HOMER1: variants seen among roughly 807,000 people sequenced by gnomAD.
HOMER1 encodes the protein homer scaffold protein 1.
HOMER1 carries 3 observed loss-of-function variants against 48.9 expected under a neutral mutation model. The ratio of observed to expected loss-of-function variants is 0.06; its 90% CI spans 0.03 to 0.16. HOMER1 has a LOEUF of 0.16. Among genes scored for constraint, HOMER1 ranks in the 10% least tolerant of loss-of-function variants. The probability of loss-of-function intolerance (pLI) is 1.00; values close to 1 mark genes in which losing one functional copy is unlikely to be tolerated. For missense variants in HOMER1, 247 were observed against 411.4 expected (o/e 0.60, Z 3.46); for synonymous variants, 134 against 146.4 (o/e 0.92, Z 0.61).
chr5:79,380,154 C>T (rs1020150759), intron 8 of HOMER1, among the ~76,000 whole-genome samples: 8 of 152,090 alleles, frequency 5.3e-5, no homozygotes, highest in African/African-American at 1.9e-4. Context: ...GGTAAGAGAA[C>T]CTCAGTGGTC....
intron 5 of HOMER1, among the ~76,000 whole-genome samples, chr5:79,436,554 G>A (rs944584241): frequency 9.2e-5 from 14 of 152,180 alleles, no homozygotes; most frequent in South Asian, 2.1e-4. Flanking sequence ...TATAGTCAGC[G>A]CACACACATA....
At chr5:79,485,851 C>CT (rs141276749) in intron 1 of HOMER1, among the ~76,000 whole-genome samples, 1 of 152,152 alleles carries the variant, frequency 6.6e-6, no homozygotes, top group Non-Finnish European at 1.5e-5. Context: ...TCCTGTCCCT[C>CT]TTTTAGAACA....
intron 8 of HOMER1, among the ~76,000 whole-genome samples, chr5:79,380,359 A>G (rs1748935870): frequency 6.6e-6 from 1 of 152,214 alleles, no homozygotes; most frequent in Non-Finnish European, 1.5e-5. Context: ...AATAAACTGC[A>G]GTGTCCTAGA....
At chr5:79,468,099 CAAT>C (rs1209155071) in intron 1 of HOMER1, among the ~76,000 whole-genome samples, 1 of 152,268 alleles carries the variant, frequency 6.6e-6, no homozygotes, top group Non-Finnish European at 1.5e-5. Context: ...TGCCACATAA[CAAT>C]ACATGTTATG....
intron 5 of HOMER1, among the ~76,000 whole-genome samples, chr5:79,404,750 G>C (rs1749619798): frequency 6.6e-6 from 1 of 151,988 alleles, no homozygotes; most frequent in Non-Finnish European, 1.5e-5. Flanking sequence ...TGTTGCCCAG[G>C]CTGGAGTGCA....
At chr5:79,401,626 T>C (rs570300603) in intron 6 of HOMER1, among the ~76,000 whole-genome samples, 54 of 152,338 alleles carry the variant, frequency 3.5e-4, no homozygotes, top group African/African-American at 1.2e-3. Context: ...AATACATTAG[T>C]GCTTTTATGT....
intron 5 of HOMER1, among the ~76,000 whole-genome samples, chr5:79,438,550 C>T (rs555910724): frequency 3.3e-5 from 5 of 152,184 alleles, no homozygotes; most frequent in African/African-American, 9.6e-5. Flanking sequence ...TGTGAAATCA[C>T]GTGGTGAGAT....
chr5:79,462,717 T>A (rs1332536812), intron 1 of HOMER1, among the ~76,000 whole-genome samples: 2 of 152,328 alleles, frequency 1.3e-5, no homozygotes, highest in East Asian at 3.9e-4. Context: ...TTAACATTCA[T>A]CACTTGGATA....
At chr5:79,470,660 T>G (rs1252859577) in intron 1 of HOMER1, among the ~76,000 whole-genome samples, 3 of 152,204 alleles carry the variant, frequency 2.0e-5, no homozygotes, top group Admixed American at 6.5e-5. Context: ...TAGAAATTTT[T>G]TAATGACTAA....
chr5:79,422,611 CAA>C (rs149190639), intron 5 of HOMER1, among the ~76,000 whole-genome samples: 2 of 134,966 alleles, frequency 1.5e-5, no homozygotes, highest in Admixed American at 7.4e-5. Flanking sequence ...AGACAATTGT[CAA>C]AAAAAAAAGA....
chr5:79,414,814 T>A (rs762526163), intron 5 of HOMER1, among the ~76,000 whole-genome samples: 4 of 152,134 alleles, frequency 2.6e-5, no homozygotes, highest in Non-Finnish European at 5.9e-5. Flanking sequence ...CTGCCTAACA[T>A]CCACCACCTT....
chr5:79,489,812 T>G (rs982923877), intron 1 of HOMER1, among the ~76,000 whole-genome samples: 1 of 152,174 alleles, frequency 6.6e-6, no homozygotes, highest in Admixed American at 6.5e-5. Flanking sequence ...TGGTGTCAAA[T>G]TAGTACACTT....
chr5:79,511,018 G>A, intron 1 of HOMER1: 1 of 325,044 alleles, frequency 3.1e-6, no homozygotes, highest in Non-Finnish European at 5.6e-6. Context: ...CTCAGGCAGG[G>A]AAAAAAAAAT....
At position 79,487,816 on chromosome 5, in the gene HOMER1, G is replaced by C. The variant is rs186661156; in HGVS notation, c.5+24954C>G. 1.7e-3 allele frequency among the ~76,000 whole-genome samples: 263 copies of C among 152,324 alleles called. 1 individual carries two copies. Among genetic ancestry groups the C allele is most frequent in the African/African-American group, 5.9e-3 (246 of 41,580 alleles). On this transcript the variant is annotated intron_variant, in intron 1 of 8. Coordinates refer to ENST00000334082, the MANE Select transcript of HOMER1 (RefSeq NM_004272.5). Reference sequence around the variant, plus strand: ...TTTCTGATATGATAATGGTACTGAAGATGTGTTAAGAGTCCTTATTTCTTA... The same window carrying C: ...TTTCTGATATGATAATGGTACTGAACATGTGTTAAGAGTCCTTATTTCTTA...
At chr5:79,450,894 T>G in intron 3 of HOMER1, 96 bp downstream of exon 3, 1 of 1,165,210 alleles carries the variant, frequency 8.6e-7, no homozygotes, top group Non-Finnish European at 1.2e-6. Flanking sequence ...TTAAATAAAT[T>G]TCTCCTATAT....
chr5:79,456,294 T>G (rs1186829902), intron 2 of HOMER1, among the ~76,000 whole-genome samples: 1 of 152,152 alleles, frequency 6.6e-6, no homozygotes, highest in East Asian at 1.9e-4. Context: ...CTCAGAGAAG[T>G]AATCTGCCCA....
intron 1 of HOMER1, among the ~76,000 whole-genome samples, chr5:79,507,101 T>C (rs1752794855): frequency 6.7e-6 from 1 of 149,532 alleles, no homozygotes; most frequent in Non-Finnish European, 1.5e-5. Context: ...TAGTCCCAGC[T>C]ACCTGGGAGG....
chr5:79,495,989 C>CTA (rs1309318952), intron 1 of HOMER1, among the ~76,000 whole-genome samples: 1 of 152,126 alleles, frequency 6.6e-6, no homozygotes, highest in East Asian at 1.9e-4. Context: ...AGGTATAAAC[C>CTA]TATAACACCA....
At chr5:79,413,146 T>C (rs1749850747) in intron 5 of HOMER1, among the ~76,000 whole-genome samples, 1 of 152,182 alleles carries the variant, frequency 6.6e-6, no homozygotes, top group Admixed American at 6.5e-5. Flanking sequence ...CCCAGGAACC[T>C]GTGGGAAATA....
Sources: gnomAD v4.1 joint callset for allele counts (sites outside exome capture counted in the v4.1 genomes callset) on GRCh38, gnomAD v4.1.1 for gene constraint, MANE v1.5 for transcripts, NCBI Gene and HGNC (gene_info 2026-07-23, HGNC 2026-07-21) for gene names.